Variants in PTPN12 observed in about 807,000 individuals in gnomAD.
PTPN12 encodes tyrosine-protein phosphatase non-receptor type 12.
PTPN12 carries 29 observed loss-of-function variants against 97.6 expected under a neutral mutation model. That is an observed-to-expected ratio of 0.30 (90% confidence interval 0.22 to 0.41). The LOEUF is 0.41. Ranked by LOEUF, PTPN12 falls within the 10% of genes least tolerant of loss-of-function variation. The pLI is 1.00. For missense variants in PTPN12, 819 were observed against 926.0 expected (o/e 0.88, Z 1.50); for synonymous variants, 327 against 300.4 (o/e 1.09, Z -0.91).
chr7:77,626,675 A>C (rs1240075307), intron 12 of PTPN12, 30 bp from the exon 13 acceptor site: 1 of 1,562,854 alleles, frequency 6.4e-7, no homozygotes, highest in Non-Finnish European at 8.7e-7. Flanking sequence ...AACAGTCTTA[A>C]AATGCCCTTT....
At chr7:77,565,796 A>T (rs958115741) in intron 1 of PTPN12, among the ~76,000 whole-genome samples, 1 of 152,248 alleles carries the variant, frequency 6.6e-6, no homozygotes, top group East Asian at 1.9e-4. Flanking sequence ...TTTTGTTTGT[A>T]TCAAAAATTC....
At chr7:77,589,715 T>C (rs1252492639) in intron 5 of PTPN12, among the ~76,000 whole-genome samples, 1 of 152,126 alleles carries the variant, frequency 6.6e-6, no homozygotes, top group African/African-American at 2.4e-5. Flanking sequence ...ACTGAGAAAT[T>C]ATTAAGTAAT....
At chr7:77,581,022 C>T (rs900847104) in intron 2 of PTPN12, among the ~76,000 whole-genome samples, 2 of 152,082 alleles carry the variant, frequency 1.3e-5, no homozygotes, top group Non-Finnish European at 2.9e-5. Context: ...TGCTTTACGT[C>T]ACTGGTGGTG....
chr7:77,579,278 T>C (rs1262061034), intron 2 of PTPN12, among the ~76,000 whole-genome samples: 1 of 152,090 alleles, frequency 6.6e-6, no homozygotes, highest in Non-Finnish European at 1.5e-5. Context: ...TGCGCCACGA[T>C]GCCCTGCCAA....
intron 1 of PTPN12, among the ~76,000 whole-genome samples, chr7:77,556,381 G>A (rs1194173964): frequency 6.6e-6 from 1 of 152,008 alleles, no homozygotes; most frequent in Non-Finnish European, 1.5e-5. Flanking sequence ...CTTTTAGTGA[G>A]CTTGTTTATG....
At chr7:77,573,980 C>T (rs1403101523) in intron 2 of PTPN12, among the ~76,000 whole-genome samples, 1 of 152,146 alleles carries the variant, frequency 6.6e-6, no homozygotes, top group Non-Finnish European at 1.5e-5. Context: ...AGGCTGCTCT[C>T]GAACTCCTAA....
At chr7:77,637,924 T>C (rs1789658538) in intron 16 of PTPN12, among the ~76,000 whole-genome samples, 1 of 145,322 alleles carries the variant, frequency 6.9e-6, no homozygotes, top group Non-Finnish European at 1.5e-5. Context: ...TAATTAACCC[T>C]GACCTTGTTG....
intron 1 of PTPN12, among the ~76,000 whole-genome samples, chr7:77,565,519 A>G (rs1808222520): frequency 6.6e-6 from 1 of 152,244 alleles, no homozygotes; most frequent in Admixed American, 6.5e-5. Flanking sequence ...TGTGATGCCC[A>G]TTACACATCC....
At chr7:77,581,383 C>A in intron 2 of PTPN12, 44 bp from the exon 3 acceptor site, 1 of 1,286,790 alleles carries the variant, frequency 7.8e-7, no homozygotes, top group Non-Finnish European at 1.1e-6. Flanking sequence ...TTAGAAAATA[C>A]CTGTGTGTCA....
intron 11 of PTPN12, among the ~76,000 whole-genome samples, chr7:77,617,085 G>A (rs1427370608): frequency 6.6e-6 from 1 of 152,004 alleles, no homozygotes; most frequent in Admixed American, 6.6e-5. Context: ...GCCCAGCCTA[G>A]GGGGTACCTT....
chr7:77,537,667 C>G (rs746097160), intron 1 of PTPN12, 22 bp downstream of exon 1: 51 of 1,570,862 alleles, frequency 3.2e-5, no homozygotes, highest in Non-Finnish European at 4.3e-5. Flanking sequence ...CCCTCGCTGT[C>G]GCGTTTTCTT....
intron 6 of PTPN12, among the ~76,000 whole-genome samples, chr7:77,595,800 C>G (rs1403734243): frequency 1.3e-5 from 2 of 152,086 alleles, no homozygotes; most frequent in Non-Finnish European, 2.9e-5. Flanking sequence ...TGTTGTTCTT[C>G]ATAATCCTTG....
intron 6 of PTPN12, 98 bp downstream of exon 6, chr7:77,592,354 C>T (rs554886780): frequency 9.9e-6 from 10 of 1,005,410 alleles, no homozygotes; most frequent in Middle Eastern, 2.4e-4. Flanking sequence ...GGCTTATAGA[C>T]GCCAAGGACT....
rs1322289983 is a variant in PTPN12, at chr7:77,589,308, C to T, written c.421-2877C>T. On this transcript the variant is annotated intron_variant, in intron 5 of 17. Transcript: ENST00000248594. ...TAACATTGGTATTTTTATGCTATGT[C>T]GAAGTAAAATTTATTTCAAAGCTAT... 1.3e-4 allele frequency among the ~76,000 whole-genome samples: 20 copies of T among 152,184 alleles called. 1 individual carries two copies. Among genetic ancestry groups the T allele is most frequent in the Admixed American group, 7.2e-4 (11 of 15,272 alleles).
At chr7:77,621,102 A>C (rs942269614) in intron 12 of PTPN12, among the ~76,000 whole-genome samples, 4 of 150,728 alleles carry the variant, frequency 2.7e-5, no homozygotes, top group African/African-American at 9.8e-5. Context: ...TTTCATTTTT[A>C]TTTATTTATT....
At chr7:77,623,740 G>T (rs1241246224) in intron 12 of PTPN12, among the ~76,000 whole-genome samples, 2 of 152,094 alleles carry the variant, frequency 1.3e-5, no homozygotes, top group Non-Finnish European at 2.9e-5. Context: ...ATAAAATACT[G>T]ATTATGGAAA....
At chr7:77,599,131 G>C (rs1185578224) in intron 7 of PTPN12, among the ~76,000 whole-genome samples, 1 of 151,528 alleles carries the variant, frequency 6.6e-6, no homozygotes, top group Non-Finnish European at 1.5e-5. Context: ...TGTTAAATTT[G>C]GAATAGTTAT....
chr7:77,604,209 C>CATTTTTTTTTTTTT, intron 8 of PTPN12, among the ~76,000 whole-genome samples: 1 of 52,788 alleles, frequency 1.9e-5, no homozygotes, highest in Non-Finnish European at 3.1e-5. Flanking sequence ...TTTTTTCTTC[C>CATTTTTTTTTTTTT]TTTTTTTTTT....
chr7:77,590,773 A>G (rs1185842793), intron 5 of PTPN12, among the ~76,000 whole-genome samples: 2 of 152,080 alleles, frequency 1.3e-5, no homozygotes, highest in African/African-American at 4.8e-5. Flanking sequence ...CATGTTGGCC[A>G]GTCTGGTCTT....
Sources: gnomAD v4.1 joint callset for allele counts (sites outside exome capture counted in the v4.1 genomes callset) on GRCh38, gnomAD v4.1.1 for gene constraint, MANE v1.5 for transcripts, NCBI Gene and HGNC (gene_info 2026-07-23, HGNC 2026-07-21) for gene names.